Variants in SINHCAF observed in about 807,000 individuals in gnomAD.
SINHCAF encodes the protein SIN3-HDAC complex associated factor.
In SINHCAF, 3 loss-of-function variants were observed where a neutral mutation model predicts 25.8. The ratio of observed to expected loss-of-function variants is 0.12; its 90% CI spans 0.05 to 0.30. The LOEUF (loss-of-function observed/expected upper bound fraction) is 0.30. SINHCAF is among the 10% of genes least tolerant of loss of function. The pLI is 1.00. For synonymous variants in SINHCAF, 70 were observed against 85.5 expected (o/e 0.82, Z 1.00); for missense variants, 121 against 262.3 (o/e 0.46, Z 3.72).
At chr12:31,312,162 A>G (rs780015027) in intron 1 of SINHCAF, 1 of 357,876 alleles carries the variant, frequency 2.8e-6, no homozygotes, top group Non-Finnish European at 5.4e-6. Context: ...GGAACTATAC[A>G]GAATGTACTC....
In SINHCAF at chr12:31,312,620, T is replaced by C. The variant is rs146409946; in HGVS notation, c.-21+13404A>G. Among the ~76,000 whole-genome samples the C allele has an allele frequency of 5.4e-4, 83 of 152,350 alleles. 1 individual carries two copies. Among genetic ancestry groups the C allele is most frequent in the Middle Eastern group, 3.4e-3 (1 of 294 alleles). ...GATTCCAAATGGGTCCTAGAACTTATTGGCCATTTAGGTATCCTCTTCAGT... is the reference window on the plus strand; with the variant it reads ...GATTCCAAATGGGTCCTAGAACTTACTGGCCATTTAGGTATCCTCTTCAGT... On this transcript the variant is annotated intron_variant, in intron 1 of 5. Coordinates refer to ENST00000337682, the MANE Select transcript of SINHCAF (RefSeq NM_001135812.2).
At chr12:31,294,068 T>C in intron 3 of SINHCAF, 137 bp from the exon 4 acceptor site, 1 of 578,930 alleles carries the variant, frequency 1.7e-6, no homozygotes, top group Middle Eastern at 2.6e-4. Context: ...CCTTTAATCA[T>C]CACATGACAT....
chr12:31,311,281 T>C (rs1394052368), intron 1 of SINHCAF, among the ~76,000 whole-genome samples: 1 of 152,224 alleles, frequency 6.6e-6, no homozygotes, highest in Non-Finnish European at 1.5e-5. Context: ...GAACAAGATC[T>C]GTTAGGGGAT....
intron 1 of SINHCAF, among the ~76,000 whole-genome samples, chr12:31,323,573 G>C (rs750790380): frequency 1.3e-5 from 2 of 152,098 alleles, no homozygotes; most frequent in Non-Finnish European, 2.9e-5. Context: ...GAAGGTTACA[G>C]GAAGAAAATA....
chr12:31,310,067 A>G (rs1449146837), intron 1 of SINHCAF, among the ~76,000 whole-genome samples: 1 of 152,182 alleles, frequency 6.6e-6, no homozygotes, highest in Non-Finnish European at 1.5e-5. Context: ...AGAGATGAGC[A>G]TTATGGATGT....
chr12:31,309,586 C>T (rs1939179825), intron 1 of SINHCAF, among the ~76,000 whole-genome samples: 1 of 151,930 alleles, frequency 6.6e-6, no homozygotes, highest in African/African-American at 2.4e-5. Flanking sequence ...GGTTTCCTTC[C>T]CTTTATTATA....
At chr12:31,302,714 GT>G in intron 1 of SINHCAF, among the ~76,000 whole-genome samples, 1 of 151,956 alleles carries the variant, frequency 6.6e-6, no homozygotes, top group Middle Eastern at 3.4e-3. Flanking sequence ...ATTCAGTGAT[GT>G]TACACATAAG....
chr12:31,319,610 T>C (rs1474649648), intron 1 of SINHCAF, among the ~76,000 whole-genome samples: 1 of 152,216 alleles, frequency 6.6e-6, no homozygotes, highest in Non-Finnish European at 1.5e-5. Context: ...CGGCACAAGG[T>C]ATGCACTCAG....
At chr12:31,295,168 G>C (rs887095159) in intron 3 of SINHCAF, 66 bp downstream of exon 3, 2 of 962,592 alleles carry the variant, frequency 2.1e-6, no homozygotes, top group Non-Finnish European at 3.2e-6. Context: ...TCCTAAATTA[G>C]GGGGAAATTA....
chr12:31,319,481 C>T (rs1001153072), intron 1 of SINHCAF, among the ~76,000 whole-genome samples: 3 of 152,182 alleles, frequency 2.0e-5, no homozygotes, highest in South Asian at 2.1e-4. Context: ...GAGCCAAGAT[C>T]GCACCACTGA....
At chr12:31,308,419 G>T (rs1939123121) in intron 1 of SINHCAF, among the ~76,000 whole-genome samples, 1 of 152,056 alleles carries the variant, frequency 6.6e-6, no homozygotes, top group Non-Finnish European at 1.5e-5. Flanking sequence ...TTTTTAGTAG[G>T]AAGCATCAAA....
At chr12:31,311,784 G>A in intron 1 of SINHCAF, 2 of 497,254 alleles carry the variant, frequency 4.0e-6, no homozygotes, top group Non-Finnish European at 3.9e-6. Context: ...CTAACCCAAA[G>A]ACTGTGGAAC....
chr12:31,314,294 G>A (rs1441988193), intron 1 of SINHCAF, among the ~76,000 whole-genome samples: 2 of 151,936 alleles, frequency 1.3e-5, no homozygotes, highest in Non-Finnish European at 2.9e-5. Flanking sequence ...AGGAGGCGAG[G>A]CGGGCGGATC....
intron 1 of SINHCAF, among the ~76,000 whole-genome samples, chr12:31,317,872 G>A (rs1209703815): frequency 6.6e-6 from 1 of 152,158 alleles, no homozygotes; most frequent in Non-Finnish European, 1.5e-5. Context: ...GAAGGAAGCA[G>A]CAGTGAACAA....
At chr12:31,305,674 C>CA (rs1938992480) in intron 1 of SINHCAF, among the ~76,000 whole-genome samples, 5 of 150,654 alleles carry the variant, frequency 3.3e-5, no homozygotes, top group Admixed American at 3.3e-4. Flanking sequence ...TAGGCACAAT[C>CA]AAAATACGGA....
At chr12:31,293,065 C>T (rs1269780977) in intron 4 of SINHCAF, among the ~76,000 whole-genome samples, 4 of 152,162 alleles carry the variant, frequency 2.6e-5, no homozygotes, top group African/African-American at 9.7e-5. Flanking sequence ...GCCTATGTAC[C>T]ATCTATTTAT....
chr12:31,293,568 G>A (rs1938424355), intron 4 of SINHCAF, among the ~76,000 whole-genome samples: 1 of 152,112 alleles, frequency 6.6e-6, no homozygotes, highest in Non-Finnish European at 1.5e-5. Flanking sequence ...CATCAGGGTG[G>A]TCTCAGTACA....
At chr12:31,314,531 A>C (rs1034859776) in intron 1 of SINHCAF, among the ~76,000 whole-genome samples, 4 of 152,164 alleles carry the variant, frequency 2.6e-5, no homozygotes, top group Non-Finnish European at 4.4e-5. Flanking sequence ...GTCTCAAAAA[A>C]AAAAGAAAGA....
chr12:31,289,836 T>A (rs2137076737), intron 4 of SINHCAF, among the ~76,000 whole-genome samples: 1 of 152,182 alleles, frequency 6.6e-6, no homozygotes, highest in East Asian at 1.9e-4. Context: ...ATCTTTTGGT[T>A]TTCCTTGAGA....
Sources: allele counts gnomAD v4.1 joint callset (sites outside exome capture counted in the v4.1 genomes callset), GRCh38; gene constraint gnomAD v4.1.1; transcripts MANE v1.5; gene names NCBI Gene and HGNC (gene_info 2026-07-23, HGNC 2026-07-21).